ETV4: variants seen among roughly 807,000 people sequenced by gnomAD.
The protein encoded by ETV4 is ETS translocation variant 4.
Under a neutral mutation model 65.9 loss-of-function variants are expected in ETV4, and 42 were observed. The observed-to-expected ratio is 0.64, with a 90% CI of 0.50 to 0.82. The LOEUF (loss-of-function observed/expected upper bound fraction) is 0.82, where lower values mean the gene tolerates loss of function less well. Ranked by LOEUF, ETV4 falls within the 40% of genes least tolerant of loss-of-function variation. ETV4 has a pLI of 0.00. For synonymous variants in ETV4, 238 were observed against 260.0 expected (o/e 0.92, Z 0.81); for missense variants, 583 against 630.3 (o/e 0.92, Z 0.80).
chr17:43,541,111 AC>A (rs1324387882), intron 4 of ETV4, among the ~76,000 whole-genome samples: 3 of 151,704 alleles, frequency 2.0e-5, no homozygotes, highest in Non-Finnish European at 4.4e-5. Context: ...CACAGACCAC[AC>A]CCCAAAAGAG....
At chr17:43,531,938 C>G (rs940346144) in intron 8 of ETV4, among the ~76,000 whole-genome samples, 1 of 152,212 alleles carries the variant, frequency 6.6e-6, no homozygotes, top group Non-Finnish European at 1.5e-5. Context: ...AAACCTCAAA[C>G]ACCTGTTAAA....
intron 8 of ETV4, among the ~76,000 whole-genome samples, chr17:43,530,983 A>G (rs1970900522): frequency 6.6e-6 from 1 of 152,132 alleles, no homozygotes; most frequent in Admixed American, 6.5e-5. Context: ...GTTCAAGGGC[A>G]TGTAACACAA....
In ETV4 at chr17:43,545,943, G is replaced by A. The variant is rs1268220419; in HGVS notation, c.-52+242C>T. On this transcript the variant is annotated intron_variant, in intron 1 of 12. Transcript: ENST00000319349. ...CTCGGTTACATAAGAACGTGTGTGT[G>A]TGTGTGTGTGTGTGTGTGTGTGTGT... The A allele has an allele frequency of 4.6e-5, 13 of 284,330 alleles. No homozygotes were observed. In the East Asian group the frequency reaches 7.5e-4, roughly 16 times the overall value. 17.6% of individuals were successfully genotyped at this position (284,330 alleles called of 1,614,324 possible). A position where few individuals can be genotyped will look rare whatever the true frequency, so the allele number is the denominator to read the frequency against.
Position 43,528,757 on chromosome 17 carries a change from G to C in ETV4, c.1231-14C>G, listed in dbSNP as rs1418190997. 20 of 1,611,452 alleles carry C rather than the reference G, an allele frequency of 1.2e-5. No individual in the cohort carries two copies. Among genetic ancestry groups the C allele is most frequent in the Admixed American group, 5.0e-5 (3 of 59,974 alleles). ...CTCACCAGCCACCTATGGGGAGAGA[G>C]AAGGTCTGGTCAGCCTGGCTAGCCG... On this transcript the variant is annotated splice_polypyrimidine_tract_variant and intron_variant, in intron 12 of 12. Coordinates refer to ENST00000319349, the MANE Select transcript of ETV4 (RefSeq NM_001079675.5).
rs140914719 is a variant in ETV4, at chr17:43,534,834, G to C, written c.257-849C>G. Among the ~76,000 whole-genome samples the C allele has an allele frequency of 4.5e-3, 676 of 151,846 alleles. 14 individuals are homozygous for C. The highest frequency in any genetic ancestry group is 0.033 in the Admixed American group (500 of 15,256). ...CACATCCCTTTAATCCCAGCTACTC[G>C]GGAGGCTGAGGCAGGAGAATTGCTT... is the stretch of plus-strand genomic sequence containing the variant. On this transcript the variant is annotated intron_variant, in intron 5 of 12. Transcript: ENST00000319349.
chr17:43,535,214 C>T (rs1394246892), intron 5 of ETV4, among the ~76,000 whole-genome samples: 2 of 152,164 alleles, frequency 1.3e-5, no homozygotes, highest in African/African-American at 4.8e-5. Context: ...TCTTTGTGCC[C>T]CATTGTTTCA....
rs374434637 is a variant in ETV4 at position 43,528,746 on chromosome 17, A to G, written c.1231-3T>C. On this transcript the variant is annotated splice_region_variant and splice_polypyrimidine_tract_variant and intron_variant, in intron 12 of 12. Transcript: ENST00000319349. Reference sequence around the variant, plus strand: ...TACACGTAACGCTCACCAGCCACCTATGGGGAGAGAGAAGGTCTGGTCAGC... The same window carrying G: ...TACACGTAACGCTCACCAGCCACCTGTGGGGAGAGAGAAGGTCTGGTCAGC... The G allele has an allele frequency of 7.4e-6, 12 of 1,613,140 alleles. No individual in the cohort carries two copies. In the East Asian group the frequency reaches 1.1e-4, roughly 15 times the overall value.
intron 1 of ETV4, chr17:43,545,973 GT>G: frequency 2.9e-6 from 1 of 341,972 alleles, no homozygotes; most frequent in Non-Finnish European, 5.3e-6. Context: ...GTGTGTGTGT[GT>G]GTGTGTACGC....
rs554725761 is a variant in ETV4 at position 43,536,552 on chromosome 17, C to A, written c.203-73G>T. Reference sequence around the variant, plus strand: ...CCCTGGGAGGCTCCATTATTACAGCCCTGCAGATTAGCAACAGCCAAGAAA... The same window carrying A: ...CCCTGGGAGGCTCCATTATTACAGCACTGCAGATTAGCAACAGCCAAGAAA... On this transcript the variant is annotated intron_variant, in intron 4 of 12. Coordinates refer to ENST00000319349, the MANE Select transcript of ETV4 (RefSeq NM_001079675.5). 5.9e-6 allele frequency: 8 copies of A among 1,356,746 alleles called. No individual in the cohort carries two copies. The African/African-American group carries it at 1.1e-4, about 19-fold the overall frequency. 84.0% of individuals were successfully genotyped at this position (1,356,746 alleles called of 1,614,324 possible).
At chr17:43,537,465 G>A (rs1488269016) in intron 4 of ETV4, among the ~76,000 whole-genome samples, 2 of 151,924 alleles carry the variant, frequency 1.3e-5, no homozygotes, top group African/African-American at 4.8e-5. Context: ...AGGCTGAGGT[G>A]GGAGGATCAC....
chr17:43,540,451 T>C (rs1378774084), intron 4 of ETV4, among the ~76,000 whole-genome samples: 1 of 152,140 alleles, frequency 6.6e-6, no homozygotes, highest in Non-Finnish European at 1.5e-5. Flanking sequence ...AGACCCTGTC[T>C]CAAATAACAA....
intron 2 of ETV4, 38 bp downstream of exon 2, chr17:43,545,520 C>A (rs1459178070): frequency 2.4e-6 from 1 of 423,408 alleles, no homozygotes; most frequent in Non-Finnish European, 3.3e-6. Flanking sequence ...GGGCTGGGTG[C>A]GGGGCGGGGC....
At chr17:43,542,849 G>A (rs1282975054) in intron 4 of ETV4, among the ~76,000 whole-genome samples, 1 of 152,126 alleles carries the variant, frequency 6.6e-6, no homozygotes, top group Non-Finnish European at 1.5e-5. Context: ...ACCAAACTGA[G>A]AAAGGGAGGT....
At chr17:43,545,698 C>A (rs2154587342) in intron 1 of ETV4, 30 bp from the exon 2 acceptor site, 1 of 1,257,082 alleles carries the variant, frequency 8.0e-7, no homozygotes, top group South Asian at 1.3e-5. Context: ...CGTTCGCACA[C>A]CGTCCAGGGA....
Position 43,532,722 on chromosome 17 carries a change from C to A in ETV4, c.763G>T (p.Ala255Ser). 2 of 1,614,024 alleles carry A rather than the reference C, an allele frequency of 1.2e-6. No homozygotes were observed. The highest frequency in any genetic ancestry group is 1.7e-6 in the Non-Finnish European group (2 of 1,179,946). The change falls in exon 8 of 13, where the codon GCG becomes TCG. Residue 255 changes from alanine to serine, a missense_variant. Ala to Ser is a moderately conservative substitution (Grantham distance 99). Transcript: ENST00000319349. Reference protein sequence around the residue: ...GGVNGHRYPGAGVVIKQEQTD... With the variant: ...GGVNGHRYPGSGVVIKQEQTD... ...TGTTCCTGTTTGATCACCACCCCCG[C>A]CCCTGGGTACCTGTGCCCATTGACC...
intron 4 of ETV4, among the ~76,000 whole-genome samples, chr17:43,539,731 C>G (rs956819685): frequency 6.6e-6 from 1 of 152,166 alleles, no homozygotes; most frequent in African/African-American, 2.4e-5. Context: ...TGCAGGCTCC[C>G]CCTCTCCACA....
intron 7 of ETV4, 47 bp from the exon 8 acceptor site, chr17:43,532,986 A>G (rs764109102): frequency 1.7e-5 from 26 of 1,525,624 alleles, no homozygotes; most frequent in Middle Eastern, 3.6e-4. Context: ...CTTTAAATTA[A>G]TCCTTCCTCG....
intron 8 of ETV4, among the ~76,000 whole-genome samples, chr17:43,531,383 G>A (rs1346199762): frequency 6.6e-6 from 1 of 152,182 alleles, no homozygotes; most frequent in Admixed American, 6.5e-5. Flanking sequence ...TCTCACTCCA[G>A]TCAACAGCCA....
intron 9 of ETV4, 34 bp from the exon 10 acceptor site, chr17:43,529,986 G>A (rs377679946): frequency 2.5e-5 from 40 of 1,613,746 alleles, no homozygotes; most frequent in Non-Finnish European, 3.3e-5. Context: ...CTCAGATCTG[G>A]GGGTTCACCG....
Sources: allele counts gnomAD v4.1 joint callset (sites outside exome capture counted in the v4.1 genomes callset), GRCh38; gene constraint gnomAD v4.1.1; transcripts MANE v1.5; gene names NCBI Gene and HGNC (gene_info 2026-07-23, HGNC 2026-07-21).